The following RSRC1 variants were observed in gnomAD, a reference collection of about 807,000 sequenced individuals.
RSRC1 encodes arginine and serine rich coiled-coil 1.
RSRC1 carries 39 observed loss-of-function variants against 49.1 expected under a neutral mutation model. The observed-to-expected ratio is 0.79, with a 90% confidence interval of 0.61 to 1.04. RSRC1 has a LOEUF of 1.04. Ranked by LOEUF, RSRC1 falls within the 50% of genes least tolerant of loss-of-function variation. The probability of loss-of-function intolerance (pLI) is 0.00; values close to 1 mark genes in which losing one functional copy is unlikely to be tolerated. For missense variants in RSRC1, 388 were observed against 402.4 expected, an observed-to-expected ratio of 0.96 and a Z score of 0.31; for synonymous variants, 143 against 130.8, an observed-to-expected ratio of 1.09 and a Z score of -0.63.
intron 4 of RSRC1, among the ~76,000 whole-genome samples, chr3:158,215,298 GT>G (rs34551128): frequency 0.62 from 81,450 of 131,060 alleles, 24,429 homozygotes; most frequent in East Asian, 0.75. Context: ...CATATAGATA[GT>G]TTTTTTTTTT....
chr3:158,189,703 C>T (rs1720124826), intron 3 of RSRC1, among the ~76,000 whole-genome samples: 1 of 151,770 alleles, frequency 6.6e-6, no homozygotes, highest in Non-Finnish European at 1.5e-5. Flanking sequence ...GACAATCTTT[C>T]AATTGTATTA....
At chr3:158,318,945 G>A (rs1728611614) in intron 5 of RSRC1, among the ~76,000 whole-genome samples, 1 of 152,162 alleles carries the variant, frequency 6.6e-6, no homozygotes, top group South Asian at 2.1e-4. Flanking sequence ...TGGGGCGGGA[G>A]CCTGGATCAG....
At chr3:158,531,776 A>G (rs1005919184) in intron 7 of RSRC1, among the ~76,000 whole-genome samples, 21 of 152,084 alleles carry the variant, frequency 1.4e-4, no homozygotes, top group African/African-American at 4.8e-4. Context: ...AGAAACATTT[A>G]AAATGTACTG....
At chr3:158,346,763 A>C (rs558196840) in intron 5 of RSRC1, among the ~76,000 whole-genome samples, 1 of 152,358 alleles carries the variant, frequency 6.6e-6, no homozygotes, top group Admixed American at 6.5e-5. Flanking sequence ...CATTTCAATT[A>C]TAGATATTTA....
intron 5 of RSRC1, among the ~76,000 whole-genome samples, chr3:158,333,029 C>T (rs945882640): frequency 7.4e-5 from 11 of 149,296 alleles, no homozygotes; most frequent in African/African-American, 2.2e-4. Context: ...ACTGCAGTGG[C>T]GCTATCTTGG....
chr3:158,257,617 A>G (rs1724640741), intron 4 of RSRC1, among the ~76,000 whole-genome samples: 2 of 151,682 alleles, frequency 1.3e-5, no homozygotes, highest in African/African-American at 4.8e-5. Context: ...TTGATTGGAG[A>G]GTTTGGTTAA....
intron 4 of RSRC1, among the ~76,000 whole-genome samples, chr3:158,261,269 CTG>C (rs1316927523): frequency 3.9e-5 from 6 of 152,304 alleles, no homozygotes; most frequent in Admixed American, 2.6e-4. Context: ...CTCAGCAAAA[CTG>C]TGCGTGGTCA....
At chr3:158,345,790 C>T (rs369557543) in intron 5 of RSRC1, among the ~76,000 whole-genome samples, 1 of 118,012 alleles carries the variant, frequency 8.5e-6, no homozygotes, top group Admixed American at 8.8e-5. Flanking sequence ...TATATATATA[C>T]ACATATATAT....
chr3:158,466,914 T>C lies in RSRC1; in HGVS notation c.652+5911T>C, dbSNP rs544138814. On this transcript the variant is annotated intron_variant, in intron 7 of 9. Coordinates refer to ENST00000611884, the MANE Select transcript of RSRC1 (RefSeq NM_001271838.2). ...CTGTCTCAAAAAGAAAAAAGATTAG[T>C]CAGGCATGGTAGTGGCCATCTGTAA... Among the ~76,000 whole-genome samples the C allele has an allele frequency of 5.3e-5, 8 of 152,048 alleles. No individual in the cohort carries two copies. The South Asian group carries it at 8.3e-4, about 16-fold the overall frequency.
chr3:158,440,193 TC>T (rs1218634808), intron 6 of RSRC1, among the ~76,000 whole-genome samples: 5 of 52,186 alleles, frequency 9.6e-5, no homozygotes, highest in African/African-American at 1.8e-4. Context: ...TGGAAAAAGT[TC>T]TTCGTGTTTG....
intron 4 of RSRC1, among the ~76,000 whole-genome samples, chr3:158,276,602 C>A (rs1725832076): frequency 6.6e-6 from 1 of 151,942 alleles, no homozygotes; most frequent in Non-Finnish European, 1.5e-5. Context: ...TCTTATTGGT[C>A]CTATACTTTA....
At chr3:158,519,032 A>G (rs994266894) in intron 7 of RSRC1, among the ~76,000 whole-genome samples, 1 of 152,086 alleles carries the variant, frequency 6.6e-6, no homozygotes, top group African/African-American at 2.4e-5. Context: ...GTTTTAACAT[A>G]TAGTCATCTC....
chr3:158,377,132 A>G (rs955619303), intron 6 of RSRC1, among the ~76,000 whole-genome samples: 2 of 152,080 alleles, frequency 1.3e-5, no homozygotes, highest in South Asian at 2.1e-4. Context: ...GCAGTTTTCA[A>G]TATTTTCTCT....
chr3:158,523,454 T>C (rs1711822294), intron 7 of RSRC1, among the ~76,000 whole-genome samples: 1 of 152,038 alleles, frequency 6.6e-6, no homozygotes, highest in Non-Finnish European at 1.5e-5. Flanking sequence ...AGGGAACTTT[T>C]AAAAGTTCAT....
chr3:158,191,437 A>G (rs1488654474), intron 3 of RSRC1, among the ~76,000 whole-genome samples: 1 of 152,050 alleles, frequency 6.6e-6, no homozygotes. Flanking sequence ...ATATTAGGGT[A>G]TTTGTTTTGA....
At chr3:158,193,607 A>G (rs1407473025) in intron 3 of RSRC1, among the ~76,000 whole-genome samples, 1 of 152,126 alleles carries the variant, frequency 6.6e-6, no homozygotes, top group Non-Finnish European at 1.5e-5. Context: ...AGGTTATCAC[A>G]AAAAAGGCTG....
chr3:158,317,518 C>G (rs149100885), intron 5 of RSRC1, among the ~76,000 whole-genome samples: 1 of 152,216 alleles, frequency 6.6e-6, no homozygotes, highest in African/African-American at 2.4e-5. Context: ...GCATGAGCCA[C>G]TGTGCCTGGC....
intron 4 of RSRC1, among the ~76,000 whole-genome samples, chr3:158,241,126 A>G (rs1049695041): frequency 4.6e-5 from 7 of 152,170 alleles, no homozygotes; most frequent in African/African-American, 1.7e-4. Flanking sequence ...CACCCTATTT[A>G]TTACAACAAA....
intron 3 of RSRC1, among the ~76,000 whole-genome samples, chr3:158,136,333 C>T (rs930317672): frequency 2.0e-5 from 3 of 151,796 alleles, no homozygotes; most frequent in Non-Finnish European, 4.4e-5. Context: ...ATTATTTTGC[C>T]ATGTTACCAT....
Sources: gnomAD v4.1 joint callset for allele counts (sites outside exome capture counted in the v4.1 genomes callset) on GRCh38, gnomAD v4.1.1 for gene constraint, MANE v1.5 for transcripts, NCBI Gene and HGNC (gene_info 2026-07-23, HGNC 2026-07-21) for gene names.